Variants in PTPRD observed in about 807,000 individuals in gnomAD.
PTPRD encodes receptor-type tyrosine-protein phosphatase delta.
In PTPRD, 34 loss-of-function variants were observed where a neutral mutation model predicts 214.5. The ratio of observed to expected loss-of-function variants is 0.16; its 90% CI spans 0.12 to 0.21. PTPRD has a LOEUF of 0.21. Ranked by LOEUF, PTPRD falls within the 10% of genes least tolerant of loss-of-function variation. PTPRD has a pLI of 1.00. For synonymous variants in PTPRD, 1,128 were observed against 845.7 expected (o/e 1.33, Z -5.79); for missense variants, 2,545 against 2,398.7 (o/e 1.06, Z -1.27).
chr9:8,678,907 CT>C (rs2097493490), intron 12 of PTPRD, among the ~76,000 whole-genome samples: 1 of 152,156 alleles, frequency 6.6e-6, no homozygotes, highest in Non-Finnish European at 1.5e-5. Flanking sequence ...AAATAAAATG[CT>C]TTGGTAAAGA....
At chr9:8,397,066 T>C (rs2091360947) in intron 36 of PTPRD, among the ~76,000 whole-genome samples, 2 of 152,172 alleles carry the variant, frequency 1.3e-5, no homozygotes, top group Middle Eastern at 3.2e-3. Flanking sequence ...ATTTATGCTC[T>C]GAAGAGTGTG....
chr9:9,253,304 T>C (rs1471126941), intron 9 of PTPRD, among the ~76,000 whole-genome samples: 1 of 151,926 alleles, frequency 6.6e-6, no homozygotes, highest in Non-Finnish European at 1.5e-5. Flanking sequence ...TATTAATTGA[T>C]GAGGCCTGAC....
At chr9:10,498,213 T>G (rs2042670797) in intron 2 of PTPRD, among the ~76,000 whole-genome samples, 2 of 151,982 alleles carry the variant, frequency 1.3e-5, no homozygotes, top group Non-Finnish European at 2.9e-5. Flanking sequence ...ATTCTGATGC[T>G]TAGCTTTTTA....
chr9:8,390,269 C>T (rs1016880911), intron 36 of PTPRD, among the ~76,000 whole-genome samples: 2 of 152,144 alleles, frequency 1.3e-5, no homozygotes, highest in East Asian at 1.9e-4. Flanking sequence ...CTCTGAACAT[C>T]GCTTACAAAG....
chr9:9,647,375 G>GT (rs56103204), intron 7 of PTPRD, among the ~76,000 whole-genome samples: 43,078 of 151,886 alleles, frequency 0.28, 7,305 homozygotes, highest in Non-Finnish European at 0.38. Flanking sequence ...AGGATAATTT[G>GT]TTTTTTTATG....
intron 10 of PTPRD, among the ~76,000 whole-genome samples, chr9:9,086,225 C>G (rs1315237599): frequency 6.6e-6 from 1 of 152,134 alleles, no homozygotes; most frequent in Non-Finnish European, 1.5e-5. Context: ...GTATAGAATA[C>G]TGAACCTCCT....
Position 10,431,524 on chromosome 9 carries a change from G to A in PTPRD, c.-599-90507C>T, listed in dbSNP as rs574738051. ...ACCTACAAAATGGGAGAAAATTTTCGCAACCTACTCATCTGACAAAGGGCT... is the reference window on the plus strand; with the variant it reads ...ACCTACAAAATGGGAGAAAATTTTCACAACCTACTCATCTGACAAAGGGCT... On this transcript the variant is annotated intron_variant, in intron 2 of 45. Transcript: ENST00000381196. Among the ~76,000 whole-genome samples the A allele has an allele frequency of 5.3e-5, 8 of 151,712 alleles. No homozygotes were observed. The East Asian group carries it at 7.8e-4, about 15-fold the overall frequency.
intron 5 of PTPRD, among the ~76,000 whole-genome samples, chr9:9,819,112 A>C (rs2049815867): frequency 6.6e-6 from 1 of 152,098 alleles, no homozygotes; most frequent in Non-Finnish European, 1.5e-5. Flanking sequence ...ATCATGATCT[A>C]CTGAGCTTGC....
intron 2 of PTPRD, among the ~76,000 whole-genome samples, chr9:10,479,080 C>T (rs1394119365): frequency 6.6e-6 from 1 of 152,044 alleles, no homozygotes. Context: ...AGCAAAGTTT[C>T]CTGGTAGTGT....
intron 4 of PTPRD, among the ~76,000 whole-genome samples, chr9:9,942,482 A>T (rs1035546413): frequency 2.0e-5 from 3 of 152,162 alleles, no homozygotes; most frequent in Non-Finnish European, 2.9e-5. Context: ...TGTATATAAG[A>T]TGTACATCTG....
At chr9:8,955,902 A>G (rs1458590873) in intron 11 of PTPRD, among the ~76,000 whole-genome samples, 1 of 151,946 alleles carries the variant, frequency 6.6e-6, no homozygotes, top group African/African-American at 2.4e-5. Context: ...ATCCATGCAT[A>G]TACACACACA....
chr9:9,405,533 T>C (rs1041731448), intron 8 of PTPRD, among the ~76,000 whole-genome samples: 1 of 152,062 alleles, frequency 6.6e-6, no homozygotes, highest in Non-Finnish European at 1.5e-5. Flanking sequence ...TGGGGCATGC[T>C]TTATAACATT....
At chr9:9,930,754 A>G (rs2086213147) in intron 5 of PTPRD, among the ~76,000 whole-genome samples, 1 of 152,084 alleles carries the variant, frequency 6.6e-6, no homozygotes. Flanking sequence ...CTTTTCCACA[A>G]AATGAAGCAG....
At chr9:10,061,085 G>A (rs1164497944) in intron 3 of PTPRD, among the ~76,000 whole-genome samples, 1 of 151,122 alleles carries the variant, frequency 6.6e-6, no homozygotes, top group East Asian at 1.9e-4. Flanking sequence ...TCACATTTTG[G>A]GGTCAGGTAT....
chr9:9,966,370 T>A (rs1286274159), intron 4 of PTPRD, among the ~76,000 whole-genome samples: 1 of 152,200 alleles, frequency 6.6e-6, no homozygotes, highest in Non-Finnish European at 1.5e-5. Flanking sequence ...ACACATCATA[T>A]GTTCTTTCAA....
intron 9 of PTPRD, among the ~76,000 whole-genome samples, chr9:9,201,394 G>A (rs1217479525): frequency 2.0e-5 from 3 of 152,120 alleles, no homozygotes; most frequent in African/African-American, 2.4e-5. Flanking sequence ...ATTTGGCAAA[G>A]GTGAGTGCAG....
chr9:8,350,197 T>G (rs559061894), intron 39 of PTPRD, among the ~76,000 whole-genome samples: 3 of 152,154 alleles, frequency 2.0e-5, no homozygotes, highest in Non-Finnish European at 2.9e-5. Flanking sequence ...CAGGGACTGT[T>G]TTATGCTAAA....
chr9:10,373,549 G>A (rs2097671522), intron 2 of PTPRD, among the ~76,000 whole-genome samples: 1 of 152,098 alleles, frequency 6.6e-6, no homozygotes. Flanking sequence ...TGGATCATTA[G>A]TTAAGCTAAT....
chr9:8,346,998 C>G (rs1297414917), intron 39 of PTPRD, among the ~76,000 whole-genome samples: 1 of 152,032 alleles, frequency 6.6e-6, no homozygotes, highest in Non-Finnish European at 1.5e-5. Context: ...AATACATGAA[C>G]AGAAACATGC....
Sources: allele counts gnomAD v4.1 joint callset (sites outside exome capture counted in the v4.1 genomes callset), GRCh38; gene constraint gnomAD v4.1.1; transcripts MANE v1.5; gene names NCBI Gene and HGNC (gene_info 2026-07-23, HGNC 2026-07-21).